The following TEF variants were observed in gnomAD, a reference collection of about 807,000 sequenced individuals.
The protein encoded by TEF is thyrotroph embryonic factor.
TEF carries 3 observed loss-of-function variants against 20.8 expected under a neutral mutation model. The ratio of observed to expected loss-of-function variants is 0.14; its 90% confidence interval spans 0.07 to 0.37. The LOEUF is 0.37. TEF is among the 10% of genes least tolerant of loss of function. The pLI is 1.00. For missense variants in TEF, 296 were observed against 397.9 expected, an observed-to-expected ratio of 0.74 and a Z score of 2.18; for synonymous variants, 180 against 171.1, an observed-to-expected ratio of 1.05 and a Z score of -0.41.
At chr22:41,391,505 G>A (rs527392237) in intron 2 of TEF, among the ~76,000 whole-genome samples, 27 of 151,742 alleles carry the variant, frequency 1.8e-4, no homozygotes, top group African/African-American at 5.8e-4. Context: ...TAGTAGAGAC[G>A]GGGTTTCATC....
intron 1 of TEF, among the ~76,000 whole-genome samples, chr22:41,376,710 C>A (rs1036088085): frequency 1.3e-5 from 2 of 152,212 alleles, no homozygotes; most frequent in African/African-American, 4.8e-5. Context: ...CTACTCCTGA[C>A]CCAACACAGC....
At chr22:41,380,926 C>T (rs939259995), upstream of TEF, among the ~76,000 whole-genome samples, 2 of 152,230 alleles carry the variant, frequency 1.3e-5, no homozygotes, top group Admixed American at 6.5e-5. Context: ...CTGTTTGGGA[C>T]TGTGGAGATT....
chr22:41,395,750 A>G lies in TEF; in HGVS notation c.702A>G (p.Glu234=), dbSNP rs764735662. 3.7e-6 allele frequency: 6 copies of G among 1,612,988 alleles called. No individual in the cohort carries two copies. The highest frequency in any genetic ancestry group is 1.3e-5 in the African/African-American group (1 of 74,890). ...CAGAGGGCACTTCCCCACAGGATGAAAAGTACTGGACAAGACGCAAGAAGA... is the reference window on the plus strand; with the variant it reads ...CAGAGGGCACTTCCCCACAGGATGAGAAGTACTGGACAAGACGCAAGAAGA... The part of the protein sequence containing the change: ...KVFVPDEQKD[E]KYWTRRKKNN... Residue 234 remains glutamate, a synonymous_variant, in exon 4 of 4, where the codon GAA becomes GAG. Transcript: ENST00000266304.
At chr22:41,378,003 C>T (rs1255606879), upstream of TEF, among the ~76,000 whole-genome samples, 1 of 152,138 alleles carries the variant, frequency 6.6e-6, no homozygotes, top group African/African-American at 2.4e-5. Flanking sequence ...CGTGTTAGAA[C>T]CTTCCACTGT....
intron 1 of TEF, among the ~76,000 whole-genome samples, chr22:41,370,788 C>A (rs921274954): frequency 2.0e-5 from 3 of 152,298 alleles, no homozygotes; most frequent in African/African-American, 4.8e-5. Context: ...GCCCCTGGGC[C>A]TCCCAGCCCA....
chr22:41,395,704 T>C, intron 3 of TEF, 41 bp from the exon 4 acceptor site: 1 of 1,599,764 alleles, frequency 6.3e-7, no homozygotes, highest in Non-Finnish European at 8.6e-7. Context: ...GGTTCTCTCG[T>C]GGGGAAAGAC....
chr22:41,382,976 A>G (rs1217204279), intron 1 of TEF: 2 of 471,104 alleles, frequency 4.2e-6, no homozygotes, highest in Admixed American at 2.3e-5. Context: ...ACTGGGGCGT[A>G]TACGGAAAGC....
At position 41,396,782 on chromosome 22, in the gene TEF, C is replaced by T. The variant is rs2037234405; in HGVS notation, c.*822C>T. On this transcript the variant is annotated 3_prime_UTR_variant, in exon 4 of 4. Transcript: ENST00000266304. ...TGTGAAGCTCGTTTGTCCCACTAGA[C>T]CAGGCCTCTGGGCCTGCTCTTTCTT... 1 of 396,132 alleles carries T rather than the reference C, an allele frequency of 2.5e-6. No homozygotes were observed. The highest frequency in any genetic ancestry group is 2.1e-5 in the African/African-American group (1 of 48,560). 24.5% of individuals were successfully genotyped at this position (396,132 alleles called of 1,614,324 possible).
chr22:41,388,520 C>G (rs2037126313), intron 2 of TEF, among the ~76,000 whole-genome samples: 1 of 150,902 alleles, frequency 6.6e-6, no homozygotes, highest in Admixed American at 6.6e-5. Context: ...GGCATAAGCA[C>G]TATTCAAGTG....
At chr22:41,381,377 T>C (rs1162355469), upstream of TEF, among the ~76,000 whole-genome samples, 1 of 147,754 alleles carries the variant, frequency 6.8e-6, no homozygotes, top group African/African-American at 2.5e-5. Flanking sequence ...CGCCCTCCAT[T>C]GGCTGTTCCC....
Position 41,372,419 on chromosome 22 carries a change from A to C in TEF, c.67+4820A>C, listed in dbSNP as rs553152305. On this transcript the variant is annotated intron_variant, in intron 1 of 3. Coordinates refer to the TEF transcript ENST00000406644. ...CACTGTCTCCTGAGCGTGAGCCAGG[A>C]CTGTATTGTGTGTGCCTATGTCACT... Among the ~76,000 whole-genome samples the C allele has an allele frequency of 2.0e-5, 3 of 152,314 alleles. No homozygotes were observed. In the South Asian group the frequency reaches 6.2e-4, roughly 32 times the overall value.
At chr22:41,386,402 T>G (rs572452152) in intron 1 of TEF, among the ~76,000 whole-genome samples, 2 of 151,666 alleles carry the variant, frequency 1.3e-5, no homozygotes, top group Non-Finnish European at 2.9e-5. Context: ...GATTGTGCCA[T>G]TGCACTCCAG....
At chr22:41,392,166 T>C (rs968822034) in intron 2 of TEF, among the ~76,000 whole-genome samples, 3 of 152,194 alleles carry the variant, frequency 2.0e-5, no homozygotes, top group Non-Finnish European at 2.9e-5. Context: ...ATAACTCTTA[T>C]CTCTAATAAC....
At chr22:41,387,026 G>A (rs751265796) in intron 1 of TEF, among the ~76,000 whole-genome samples, 4 of 152,050 alleles carry the variant, frequency 2.6e-5, no homozygotes, top group Non-Finnish European at 4.4e-5. Flanking sequence ...CCTGGGCGAC[G>A]AGCAAAATAC....
At chr22:41,379,904 AAAAGAAAAAAAGAAAAG>A (rs1455558176), upstream of TEF, among the ~76,000 whole-genome samples, 5 of 93,420 alleles carry the variant, frequency 5.4e-5, no homozygotes, top group Middle Eastern at 6.1e-3. Flanking sequence ...AAAAAAAAAA[AAAAGAAAAAAAGAAAAG>A]AAAAGAAAAG....
chr22:41,379,908 GAAAAAAAGAA>G (rs1213592349), upstream of TEF, among the ~76,000 whole-genome samples: 1 of 89,412 alleles, frequency 1.1e-5, no homozygotes, highest in Admixed American at 1.8e-4. Context: ...AAAAAAAAAA[GAAAAAAAGAA>G]AAGAAAAGAA....
chr22:41,392,694 A>AAAAAAAAAAAAAAAT (rs1394197723), intron 2 of TEF, among the ~76,000 whole-genome samples: 1 of 144,674 alleles, frequency 6.9e-6, no homozygotes, highest in Non-Finnish European at 1.5e-5. Flanking sequence ...AAAAAAAAAA[A>AAAAAAAAAAAAAAAT]GACTAAGTGA....
In TEF at chr22:41,395,986, ACTGCCTGCACCTCAGACCT is replaced by A; in HGVS notation, c.*34_*52del. ...CCCGTGCCCCCCGCCCGGGCGGGGT[ACTGCCTGCACCTCAGACCT>A]CTGCCTGGGGGCTCCCTGTAACCCC... On this transcript the variant is annotated 3_prime_UTR_variant, in exon 4 of 4. Coordinates refer to ENST00000266304, the MANE Select transcript of TEF (RefSeq NM_003216.4). The A allele has an allele frequency of 6.3e-7, 1 of 1,597,400 alleles. No homozygotes were observed.
In TEF at chr22:41,369,355, C is replaced by T. The variant is rs564363852; in HGVS notation, c.67+1756C>T. ...TTGCCGAGCACTGGCAAGCTGTGGCCGAGAATTAGTTAGTCCAGCATGGCT... is the reference window on the plus strand; with the variant it reads ...TTGCCGAGCACTGGCAAGCTGTGGCTGAGAATTAGTTAGTCCAGCATGGCT... On this transcript the variant is annotated intron_variant, in intron 1 of 3. Coordinates refer to the TEF transcript ENST00000406644. The T allele has an allele frequency of 1.2e-4, 87 of 713,442 alleles. 1 individual carries two copies. In the South Asian group the frequency reaches 1.7e-3, roughly 14 times the overall value. 44.2% of individuals were successfully genotyped at this position (713,442 alleles called of 1,614,324 possible). A position where few individuals can be genotyped will look rare whatever the true frequency, so the allele number is the denominator to read the frequency against.
Sources: allele counts gnomAD v4.1 joint callset (sites outside exome capture counted in the v4.1 genomes callset), GRCh38; gene constraint gnomAD v4.1.1; transcripts MANE v1.5; gene names NCBI Gene and HGNC (gene_info 2026-07-23, HGNC 2026-07-21).